The following AGRN variants were observed in gnomAD, a reference collection of about 807,000 sequenced individuals.
AGRN encodes the protein agrin.
AGRN carries 106 observed loss-of-function variants against 211.0 expected under a neutral mutation model. That is an observed-to-expected ratio of 0.50 (90% CI 0.43 to 0.59). The LOEUF (loss-of-function observed/expected upper bound fraction) is 0.59. Among genes scored for constraint, AGRN ranks in the 20% least tolerant of loss-of-function variants. The pLI, the probability that AGRN is intolerant of heterozygous loss-of-function variation, is 0.00. For missense variants in AGRN, 3,040 were observed against 2,982.6 expected, an observed-to-expected ratio of 1.02 and a Z score of -0.45; for synonymous variants, 1,525 against 1,332.5, an observed-to-expected ratio of 1.14 and a Z score of -3.15.
At chr1:1,027,078 G>A (rs1644536587) in intron 2 of AGRN, among the ~76,000 whole-genome samples, 1 of 152,198 alleles carries the variant, frequency 6.6e-6, no homozygotes, top group South Asian at 2.1e-4. Context: ...AAGGCCCCCT[G>A]CCAGGGGCAG....
Position 1,045,954 on chromosome 1 carries a change from C to T in AGRN, c.2681-10C>T, listed in dbSNP as rs368080332. The stretch of plus-strand genomic sequence containing the variant: ...CCGAGCCACAGAGGTTTCCCATGCC[C>T]GTGCCCCAGACGCTTCTGCGCCTGC... On this transcript the variant is annotated splice_polypyrimidine_tract_variant and intron_variant, in intron 15 of 35. Transcript: ENST00000379370. 6.4e-5 allele frequency: 104 copies of T among 1,613,310 alleles called. No individual in the cohort carries two copies. Among genetic ancestry groups the T allele is most frequent in the Admixed American group, 4.3e-4 (26 of 60,024 alleles).
Position 1,048,406 on chromosome 1 carries a change from G to A in AGRN, c.4105+41G>A. 7.4e-7 allele frequency: 1 copy of A among 1,357,316 alleles called. No individual in the cohort carries two copies. 84.1% of individuals were successfully genotyped at this position (1,357,316 alleles called of 1,614,324 possible). Reference sequence around the variant, plus strand: ...GCAGAGGAGGGCGGGGAGGCAGCAGGGTGGGGGCAAGGATTGGGGGTGGGG... The same window carrying A: ...GCAGAGGAGGGCGGGGAGGCAGCAGAGTGGGGGCAAGGATTGGGGGTGGGG... On this transcript the variant is annotated intron_variant, in intron 23 of 35. Coordinates refer to ENST00000379370, the MANE Select transcript of AGRN (RefSeq NM_198576.4). The surrounding 1 kb of genome is among the most constrained non-coding windows in gnomAD (Gnocchi z 5.9).
At position 1,048,967 on chromosome 1, in the gene AGRN, G is replaced by A. The variant is rs575152808; in HGVS notation, c.4206G>A (p.Ala1402=). 4.0e-5 allele frequency: 63 copies of A among 1,573,950 alleles called. No individual in the cohort carries two copies. Among genetic ancestry groups the A allele is most frequent in the South Asian group, 1.5e-4 (13 of 85,852 alleles). ...HTLRLALEFR[A]LEPQGLLLYN... is the part of the protein sequence containing the mutation. ...TGCGCCTGGCACTGGAATTCCGGGCGCTGGAGCCTCAGGGGCTGCTGCTGT... is the reference window on the plus strand; with the variant it reads ...TGCGCCTGGCACTGGAATTCCGGGCACTGGAGCCTCAGGGGCTGCTGCTGT... The change falls in exon 24 of 36, where the codon GCG becomes GCA. Residue 1402 remains alanine (A), a synonymous_variant. Transcript: ENST00000379370. This position sits in a 1 kb window ranked among gnomAD's most constrained non-coding sequence, Gnocchi z 5.9.
chr1:1,049,580 C>A lies in AGRN; in HGVS notation c.4529C>A (p.Thr1510Asn), dbSNP rs867443634. The A allele has an allele frequency of 1.4e-5, 22 of 1,589,874 alleles. No individual in the cohort carries two copies. The highest frequency in any genetic ancestry group is 1.8e-5 in the Non-Finnish European group (21 of 1,169,302). ...EDQAAVALERTFVGAGLRGCI... is the reference protein window; with the variant it reads ...EDQAAVALERNFVGAGLRGCI... ...CCTGGTGGCAGGGCGCTGGAGCGGA[C>A]CTTCGTGGGCGCCGGCCTGAGGGGG... Residue 1510 changes from threonine to asparagine, a missense_variant, in exon 26 of 36, where the codon ACC becomes AAC. Thr to Asn is a moderately conservative substitution (Grantham distance 65). This residue lies in a region of AGRN where 1,537 missense variants were observed against 1,505.0 expected (regional missense o/e 1.02). Coordinates refer to ENST00000379370, the MANE Select transcript of AGRN (RefSeq NM_198576.4).
chr1:1,053,689 C>G (rs190044294), intron 33 of AGRN, 64 bp from the exon 34 acceptor site: 2 of 1,526,952 alleles, frequency 1.3e-6, no homozygotes, highest in African/African-American at 2.7e-5. Flanking sequence ...CTTGTCCTCC[C>G]GCCTCCCCCA....
chr1:1,030,459 A>G (rs111163131), intron 2 of AGRN, among the ~76,000 whole-genome samples: 70 of 5,674 alleles, frequency 0.012, no homozygotes, highest in Admixed American at 0.022. Flanking sequence ...TGAGATCAGC[A>G]TGTGTGTGTG....
chr1:1,052,108 T>C (rs2100691933), intron 33 of AGRN: 1 of 1,382,106 alleles, frequency 7.2e-7, no homozygotes, highest in African/African-American at 1.4e-5. Flanking sequence ...CGGGGAACTT[T>C]CCATCCCTTG....
chr1:1,047,406 C>T lies in AGRN; in HGVS notation c.3468C>T (p.Asp1156=), dbSNP rs903109868. 5 of 1,612,476 alleles carry T rather than the reference C, an allele frequency of 3.1e-6. No homozygotes were observed. The African/African-American group carries it at 5.3e-5, about 17-fold the overall frequency. Residue 1156 remains aspartate, a synonymous_variant, in exon 20 of 36, where the codon GAC becomes GAT. Transcript: ENST00000379370. The part of the protein sequence containing the change: ...QELFYTPEMA[D]PKSELFGETA... ...TGTTCTACACGCCCGAGATGGCTGA[C>T]CCCAAGTCAGAACTGTTCGGGGAGA...
intron 2 of AGRN, 53 bp downstream of exon 2, chr1:1,022,515 A>C: frequency 1.3e-6 from 2 of 1,533,314 alleles, no homozygotes; most frequent in Non-Finnish European, 1.8e-6. Flanking sequence ...GCAGTGGCCA[A>C]GGGGGACAGG....
Position 1,040,827 on chromosome 1 carries a change from G to C in AGRN, c.674G>C (p.Arg225Pro). 6.5e-7 allele frequency: 1 copy of C among 1,536,818 alleles called. No homozygotes were observed. The highest frequency in any genetic ancestry group is 8.7e-7 in the Non-Finnish European group (1 of 1,147,450). The change falls in exon 4 of 36, where the codon CGG (arginine) becomes CCG (proline). Residue 225 changes from arginine to proline, a missense_variant. This residue lies in a region of AGRN where 1,498 missense variants were observed against 1,457.8 expected (regional missense o/e 1.03). Coordinates refer to ENST00000379370, the MANE Select transcript of AGRN (RefSeq NM_198576.4). The stretch of plus-strand genomic sequence containing the variant: ...TACAGCAACGAATGCGAGCTGCAGC[G>C]GGCGCAGTGCAGCCAGCAGCGCCGC... ...STYSNECELQRAQCSQQRRIR... is the reference protein window; with the variant it reads ...STYSNECELQPAQCSQQRRIR...
Position 1,041,288 on chromosome 1 carries a change from G to C in AGRN, c.843G>C (p.Glu281Asp), listed in dbSNP as rs1174936275. 13 of 1,514,982 alleles carry C rather than the reference G, an allele frequency of 8.6e-6. No individual in the cohort carries two copies. Among genetic ancestry groups the C allele is most frequent in the Non-Finnish European group, 1.1e-5 (12 of 1,137,436 alleles). 93.8% of individuals were successfully genotyped at this position (1,514,982 alleles called of 1,614,324 possible). A position where few individuals can be genotyped will look rare whatever the true frequency, so the allele number is the denominator to read the frequency against. ...LCPATCRGAP[E>D]GTVCGSDGAD... ...CCGCGACCTGCCGTGGCGCCCCCGA[G>C]GGGACCGTCTGCGGCAGCGACGGCG... The change falls in exon 5 of 36, where the codon GAG becomes GAC. Residue 281 changes from glutamate (E) to aspartate (D), a missense_variant. Around this residue, in one of 3 missense-constraint regions of AGRN, gnomAD observed 1,498 missense variants for 1,457.8 expected, o/e 1.03. Transcript: ENST00000379370.
At chr1:1,052,698 A>T (rs995975088) in intron 33 of AGRN, 1 of 153,812 alleles carries the variant, frequency 6.5e-6, no homozygotes, top group African/African-American at 2.6e-5. Flanking sequence ...ACATGGGTCC[A>T]TGTATGTGTG....
intron 12 of AGRN, among the ~76,000 whole-genome samples, chr1:1,044,896 C>CGT: frequency 6.6e-6 from 1 of 152,234 alleles, no homozygotes; most frequent in East Asian, 1.9e-4. Context: ...AGGAAGCTCG[C>CGT]GTGTGTGTGT....
intron 18 of AGRN, 21 bp downstream of exon 18, chr1:1,046,756 TG>T (rs1557711315): frequency 6.4e-7 from 1 of 1,568,704 alleles, no homozygotes; most frequent in Admixed American, 1.8e-5. Context: ...ATCAAGGACT[TG>T]GGGTGGGTGG....
Position 1,045,381 on chromosome 1 carries a change from T to C in AGRN, c.2394T>C (p.His798=), listed in dbSNP as rs776644156. Residue 798 remains histidine, a synonymous_variant, in exon 14 of 36, where the codon CAT becomes CAC. Transcript: ENST00000379370. ...CAGGTGCCTGCCAGTGCAACCCCCA[T>C]GGCTCTTACGGCGGCACCTGTGACC... ...GCPSACQCNP[H]GSYGGTCDPA... 1.2e-6 allele frequency: 2 copies of C among 1,611,966 alleles called. No individual in the cohort carries two copies. Among genetic ancestry groups the C allele is most frequent in the African/African-American group, 1.3e-5 (1 of 75,040 alleles).
Position 1,045,363 on chromosome 1 carries a change from C to G in AGRN, c.2376C>G (p.Ala792=). Reference sequence around the variant, plus strand: ...TGTCCTGCCCTGGCCTTTCAGGTGCCTGCCAGTGCAACCCCCATGGCTCTT... The same window carrying G: ...TGTCCTGCCCTGGCCTTTCAGGTGCGTGCCAGTGCAACCCCCATGGCTCTT... ...RGVGLAGCPS[A]CQCNPHGSYG... Residue 792 remains alanine (A), a synonymous_variant, in exon 14 of 36, where the codon GCC becomes GCG. Coordinates refer to ENST00000379370, the MANE Select transcript of AGRN (RefSeq NM_198576.4). The G allele has an allele frequency of 6.2e-7, 1 of 1,611,800 alleles. No individual in the cohort carries two copies.
chr1:1,048,173 C>G lies in AGRN; in HGVS notation c.3913C>G (p.Pro1305Ala). 1 of 1,577,936 alleles carries G rather than the reference C, an allele frequency of 6.3e-7. No individual in the cohort carries two copies. The change falls in exon 23 of 36, where the codon CCC (proline) becomes GCC (alanine). Residue 1305 changes from proline to alanine, a missense_variant. This residue lies in a region of AGRN where 1,537 missense variants were observed against 1,505.0 expected (regional missense o/e 1.02). Transcript: ENST00000379370. This position sits in a 1 kb window ranked among gnomAD's most constrained non-coding sequence, Gnocchi z 5.9. The stretch of plus-strand genomic sequence containing the variant: ...GCCCGTTGCCAAGACCACGGCAGCC[C>G]CCACCACACGTCGGCCCCCCACCAC... ...SQPVAKTTAA[P>A]TTRRPPTTAP...
At chr1:1,045,698 G>A (rs1481436785) in intron 14 of AGRN, 35 bp from the exon 15 acceptor site, 4 of 1,612,982 alleles carry the variant, frequency 2.5e-6, no homozygotes, top group Admixed American at 3.3e-5. Context: ...CCGTCCAGGT[G>A]CGGACATCAC....
chr1:1,056,006 C>T lies in AGRN; in HGVS notation c.*1025C>T, dbSNP rs930714507. 1 of 152,326 alleles carries T rather than the reference C, an allele frequency of 6.6e-6. No homozygotes were observed. Among genetic ancestry groups the T allele is most frequent in the Non-Finnish European group, 1.5e-5 (1 of 68,098 alleles). The allele number at this position is 152,326 out of a possible 1,614,324, so 9.4% of individuals were successfully genotyped here. On this transcript the variant is annotated 3_prime_UTR_variant, in exon 36 of 36. Transcript: ENST00000379370. ...CCACCCCCAGCCCCAGCCCAGTCCTCCTAGGAGCAGGACCCGATGAAGCGG... is the reference window on the plus strand; with the variant it reads ...CCACCCCCAGCCCCAGCCCAGTCCTTCTAGGAGCAGGACCCGATGAAGCGG...
Sources: allele counts gnomAD v4.1 joint callset (sites outside exome capture counted in the v4.1 genomes callset), GRCh38; gene constraint gnomAD v4.1.1; regional missense constraint gnomAD v4.1.1; non-coding constraint Gnocchi (gnomAD v3.1); transcripts MANE v1.5; gene names NCBI Gene and HGNC (gene_info 2026-07-23, HGNC 2026-07-21).